PMPCB: variants seen among roughly 807,000 people sequenced by gnomAD.
The protein encoded by PMPCB is mitochondrial-processing peptidase subunit beta.
A neutral mutation model predicts 61.5 loss-of-function variants in PMPCB; 46 were observed. The ratio of observed to expected loss-of-function variants is 0.75; its 90% CI spans 0.59 to 0.96. The LOEUF (loss-of-function observed/expected upper bound fraction) is 0.96, where lower values mean the gene tolerates loss of function less well. PMPCB is among the 40% of genes least tolerant of loss of function. The pLI, the probability that PMPCB is intolerant of heterozygous loss-of-function variation, is 0.00. For synonymous variants in PMPCB, 191 were observed against 201.6 expected, an observed-to-expected ratio of 0.95 and a Z score of 0.44; for missense variants, 590 against 602.4, an observed-to-expected ratio of 0.98 and a Z score of 0.22.
intron 5 of PMPCB, 90 bp from the exon 6 acceptor site, chr7:103,304,321 C>A: frequency 1.3e-6 from 1 of 784,124 alleles, no homozygotes; most frequent in Non-Finnish European, 2.2e-6. Context: ...TTTTAGGATA[C>A]AGTTATGGTC....
At chr7:103,329,832 T>C (rs1223560024), downstream of PMPCB, among the ~76,000 whole-genome samples, 1 of 152,202 alleles carries the variant, frequency 6.6e-6, no homozygotes, top group East Asian at 1.9e-4. Context: ...TCTAGTCACT[T>C]AACTCTCTTT....
At chr7:103,302,289 T>C (rs1293106347) in intron 4 of PMPCB, among the ~76,000 whole-genome samples, 1 of 152,306 alleles carries the variant, frequency 6.6e-6, no homozygotes, top group Non-Finnish European at 1.5e-5. Flanking sequence ...CTTACTCTTA[T>C]TGGTAAGAAA....
chr7:103,320,214 G>A (rs1563459293), intron 12 of PMPCB, among the ~76,000 whole-genome samples: 1 of 151,876 alleles, frequency 6.6e-6, no homozygotes, highest in Non-Finnish European at 1.5e-5. Flanking sequence ...TCAGTCTCCT[G>A]AGTAGCTGGA....
chr7:103,313,084 T>TC lies in PMPCB; in HGVS notation c.*813_*814insC. ...TTCTGTTCTTCTGTTGTCCAAGGGGTGAAGTCTGTATATGGACCTGATTAA... is the reference window on the plus strand; with the variant it reads ...TTCTGTTCTTCTGTTGTCCAAGGGGTCGAAGTCTGTATATGGACCTGATTAA... On this transcript the variant is annotated 3_prime_UTR_variant, in exon 13 of 13. Transcript: ENST00000249269. 6.2e-7 allele frequency: 1 copy of TC among 1,613,366 alleles called. No homozygotes were observed. The highest frequency in any genetic ancestry group is 8.5e-7 in the Non-Finnish European group (1 of 1,179,768).
Position 103,313,708 on chromosome 7 carries a change from A to G in PMPCB, c.*1437A>G, listed in dbSNP as rs1266567957. On this transcript the variant is annotated 3_prime_UTR_variant, in exon 13 of 13. Transcript: ENST00000249269. The stretch of plus-strand genomic sequence containing the variant: ...TTGGGAGCCGATGCTGAACACTTCC[A>G]ATAACTGCTATTGTGGTTCTTCAAC... The G allele has an allele frequency of 6.1e-6, 6 of 985,308 alleles. No individual in the cohort carries two copies. The highest frequency in any genetic ancestry group is 7.2e-6 in the Non-Finnish European group (6 of 829,914). The allele number at this position is 985,308 out of a possible 1,614,324, so 61.0% of individuals were successfully genotyped here.
intron 12 of PMPCB, chr7:103,323,773 T>C: frequency 1.2e-6 from 1 of 848,060 alleles, no homozygotes; most frequent in Non-Finnish European, 1.6e-6. Context: ...TCCCTTCTAG[T>C]ATTGAACTAA....
chr7:103,312,921 A>C lies in PMPCB; in HGVS notation c.*650A>C, dbSNP rs1200468484. On this transcript the variant is annotated 3_prime_UTR_variant, in exon 13 of 13. Transcript: ENST00000249269. ...CCCAAGCTACAATTTAAAATACAAC[A>C]ATCTATAAACGCTTAAGTCTGCAAC... 2 of 1,592,578 alleles carry C rather than the reference A, an allele frequency of 1.3e-6. No individual in the cohort carries two copies. Among genetic ancestry groups the C allele is most frequent in the Non-Finnish European group, 1.7e-6 (2 of 1,173,830 alleles).
rs1047752760 is a variant in PMPCB at position 103,298,034 on chromosome 7, G to T, written c.99+476G>T. ...AAAGGGATGTGAGACTTTTGTATAA[G>T]GGCAAAGAAAAACTGCTGAAAGGCG... On this transcript the variant is annotated intron_variant, in intron 1 of 12. Coordinates refer to ENST00000249269, the MANE Select transcript of PMPCB (RefSeq NM_004279.3). The T allele has an allele frequency of 8.7e-6, 7 of 801,114 alleles. No homozygotes were observed. The Admixed American group carries it at 1.5e-4, about 17-fold the overall frequency. The allele number at this position is 801,114 out of a possible 1,614,324, so 49.6% of individuals were successfully genotyped here.
chr7:103,312,074 A>G lies in PMPCB; in HGVS notation c.1348A>G (p.Ile450Val), dbSNP rs1817776297. ...ARIDAVNAET[I>V]REVCTKYIYN... The stretch of plus-strand genomic sequence containing the variant: ...ATTTCAGGCTGTGAATGCTGAGACA[A>G]TTCGAGAAGTATGTACCAAATACAT... The change falls in exon 12 of 13, where the codon ATT becomes GTT. Residue 450 changes from isoleucine (I) to valine (V), a missense_variant. Transcript: ENST00000249269. 6.8e-6 allele frequency: 11 copies of G among 1,613,932 alleles called. No individual in the cohort carries two copies. Among genetic ancestry groups the G allele is most frequent in the Middle Eastern group, 1.7e-4 (1 of 6,058 alleles).
chr7:103,311,690 GA>G lies in PMPCB; in HGVS notation c.1205del (p.Asn402IlefsTer3). 1 of 1,614,074 alleles carries G rather than the reference GA, an allele frequency of 6.2e-7. No homozygotes were observed. The highest frequency in any genetic ancestry group is 8.5e-7 in the Non-Finnish European group (1 of 1,179,932). Reference protein sequence around the residue: ...SVTESEVARARNLLKTNMLLQ... With the variant: ...SVTESEVARAXNLLKTNMLLQ... ...ACAGAAAGTGAGGTTGCACGAGCCA[GA>G]AATCTTCTGAAAACAAACATGTTGT... On this transcript the variant is annotated frameshift_variant, in exon 10 of 13. Coordinates refer to ENST00000249269, the MANE Select transcript of PMPCB (RefSeq NM_004279.3). LOFTEE classifies it high-confidence loss of function.
chr7:103,308,394 A>T lies in PMPCB; in HGVS notation c.850-558A>T, dbSNP rs181341717. On this transcript the variant is annotated intron_variant, in intron 7 of 12. Transcript: ENST00000249269. ...CCCAGCACTTGGAGAGGCTGAGGCG[A>T]GTGTGTCACTTGAGGTTAGGAGTTT... Among the ~76,000 whole-genome samples the T allele has an allele frequency of 7.9e-5, 12 of 152,290 alleles. No homozygotes were observed. In the East Asian group the frequency reaches 2.1e-3, roughly 27 times the overall value.
In PMPCB at chr7:103,300,201, A is replaced by C; in HGVS notation, c.351A>C (p.Leu117Phe). The C allele has an allele frequency of 6.2e-7, 1 of 1,612,950 alleles. No homozygotes were observed. Among genetic ancestry groups the C allele is most frequent in the Non-Finnish European group, 8.5e-7 (1 of 1,179,270 alleles). ...AGGGCACCAAGAAGAGATCCCAGTTAGATCTGGAACTTGAGATTGAAAATA... is the reference window on the plus strand; with the variant it reads ...AGGGCACCAAGAAGAGATCCCAGTTCGATCTGGAACTTGAGATTGAAAATA... ...AFKGTKKRSQ[L>F]DLELEIENMG... The change falls in exon 4 of 13, where the codon TTA becomes TTC. Residue 117 changes from leucine (L) to phenylalanine (F), a missense_variant. Coordinates refer to ENST00000249269, the MANE Select transcript of PMPCB (RefSeq NM_004279.3).
Position 103,312,841 on chromosome 7 carries a change from G to T in PMPCB, c.*570G>T, listed in dbSNP as rs1817828804. 3.9e-6 allele frequency: 6 copies of T among 1,523,808 alleles called. No homozygotes were observed. The highest frequency in any genetic ancestry group is 5.3e-6 in the Non-Finnish European group (6 of 1,142,170). The allele number at this position is 1,523,808 out of a possible 1,614,324, so 94.4% of individuals were successfully genotyped here. A position where few individuals can be genotyped will look rare whatever the true frequency, so the allele number is the denominator to read the frequency against. On this transcript the variant is annotated 3_prime_UTR_variant, in exon 13 of 13. Transcript: ENST00000249269. ...TATTGACCCCATAACTACTGGTTTT[G>T]AAATAAGCACTATATTATTAACCAC...
the PMPCB span, among the ~76,000 whole-genome samples, chr7:103,342,693 C>G: frequency 6.6e-6 from 1 of 151,598 alleles, no homozygotes; most frequent in Non-Finnish European, 1.5e-5. Flanking sequence ...ACTGAAAGCT[C>G]CGCCTCCCGG....
intron 11 of PMPCB, 51 bp from the exon 12 acceptor site, chr7:103,312,005 G>T: frequency 6.3e-7 from 1 of 1,580,908 alleles, no homozygotes; most frequent in Non-Finnish European, 8.6e-7. Context: ...TCCAGGTATA[G>T]ACTTTGTTTT....
the PMPCB span, among the ~76,000 whole-genome samples, chr7:103,339,199 G>A: frequency 6.6e-6 from 1 of 152,192 alleles, no homozygotes; most frequent in Admixed American, 6.5e-5. Context: ...TAAGCTGTGT[G>A]TAAGCAGTAA....
At chr7:103,345,811 A>C in the PMPCB span, among the ~76,000 whole-genome samples, 2 of 151,840 alleles carry the variant, frequency 1.3e-5, no homozygotes, top group Non-Finnish European at 2.9e-5. Context: ...TTGTCACTTC[A>C]AAACTGACTT....
rs1368985963 is a variant in PMPCB, at chr7:103,314,318, T to C, written c.*2047T>C. 1 of 985,244 alleles carries C rather than the reference T, an allele frequency of 1.0e-6. No individual in the cohort carries two copies. The highest frequency in any genetic ancestry group is 1.7e-5 in the African/African-American group (1 of 57,216). 61.0% of individuals were successfully genotyped at this position (985,244 alleles called of 1,614,324 possible). ...ACTGTTGCAAAACTCCTATGAGAAA[T>C]CACTATTCAAAAAATGGTGCCAGCT... On this transcript the variant is annotated 3_prime_UTR_variant, in exon 13 of 13. Coordinates refer to ENST00000249269, the MANE Select transcript of PMPCB (RefSeq NM_004279.3).
At chr7:103,345,269 G>A in the PMPCB span, 1 of 152,372 alleles carries the variant, frequency 6.6e-6, no homozygotes, top group African/African-American at 2.4e-5. Context: ...TCTCTAGTGT[G>A]TTAGATTGTA....
Sources: allele counts gnomAD v4.1 joint callset (sites outside exome capture counted in the v4.1 genomes callset), GRCh38; gene constraint gnomAD v4.1.1; transcripts MANE v1.5; gene names NCBI Gene and HGNC (gene_info 2026-07-23, HGNC 2026-07-21).